Variants in CENPC observed in about 807,000 individuals in gnomAD.
CENPC encodes the protein centromere protein C, also known as CENP-C 1.
In CENPC, 63 loss-of-function variants were observed where a neutral mutation model predicts 112.1. The observed-to-expected ratio is 0.56, with a 90% CI of 0.46 to 0.69. The LOEUF is 0.69. Among genes scored for constraint, CENPC ranks in the 30% least tolerant of loss-of-function variants. CENPC has a pLI of 0.00. For synonymous variants in CENPC, 333 were observed against 367.6 expected (o/e 0.91, Z 1.08); for missense variants, 1,000 against 1,103.8 (o/e 0.91, Z 1.33).
chr4:67,481,003 C>T, intron 17 of CENPC, among the ~76,000 whole-genome samples: 1 of 152,176 alleles, frequency 6.6e-6, no homozygotes, highest in Admixed American at 6.5e-5. Flanking sequence ...GGAAGTCAAA[C>T]TGTTGCTGTT....
At chr4:67,490,865 T>TAG (rs1435906296) in intron 16 of CENPC, among the ~76,000 whole-genome samples, 3 of 23,686 alleles carry the variant, frequency 1.3e-4, no homozygotes, top group South Asian at 2.0e-3. Context: ...TATATATATA[T>TAG]ATATATATAT....
At chr4:67,491,466 T>TAGAGAGAGAGAGAGAG (rs1560423175) in intron 16 of CENPC, among the ~76,000 whole-genome samples, 2 of 61,330 alleles carry the variant, frequency 3.3e-5, no homozygotes, top group African/African-American at 5.7e-5. Flanking sequence ...TATATATATA[T>TAGAGAGAGAGAGAGAG]ATATATATAT....
At chr4:67,515,914 C>CGAAA in intron 7 of CENPC, among the ~76,000 whole-genome samples, 1 of 151,992 alleles carries the variant, frequency 6.6e-6, no homozygotes, top group East Asian at 1.9e-4. Context: ...AACTCTAGAC[C>CGAAA]TTTCTCCATA....
chr4:67,535,134 G>T (rs1726678695), intron 4 of CENPC, among the ~76,000 whole-genome samples: 1 of 151,930 alleles, frequency 6.6e-6, no homozygotes, highest in African/African-American at 2.4e-5. Flanking sequence ...TAAAAGGGAG[G>T]CTTGATATGA....
intron 16 of CENPC, 90 bp from the exon 17 acceptor site, chr4:67,490,211 T>C: frequency 1.1e-6 from 1 of 879,732 alleles, no homozygotes. Flanking sequence ...AAGAGTCATT[T>C]CTGGATATAA....
At chr4:67,476,445 G>A (rs1254705042) in intron 17 of CENPC, among the ~76,000 whole-genome samples, 2 of 152,144 alleles carry the variant, frequency 1.3e-5, no homozygotes, top group African/African-American at 2.4e-5. Context: ...GAGCTGAAAC[G>A]AATTGAGAGA....
At position 67,545,397 on chromosome 4, in the gene CENPC, G is replaced by T; in HGVS notation, c.-42C>A. ...GCCAGCGCAACTGTCTGAGGTGGAA[G>T]CCCACACGGACCACAGCTCCAGGAA... On this transcript the variant is annotated 5_prime_UTR_variant, in exon 1 of 19. Transcript: ENST00000273853. 6.7e-7 allele frequency: 1 copy of T among 1,490,802 alleles called. No homozygotes were observed. Among genetic ancestry groups the T allele is most frequent in the Admixed American group, 2.2e-5 (1 of 44,954 alleles). The allele number at this position is 1,490,802 out of a possible 1,614,324, so 92.3% of individuals were successfully genotyped here.
chr4:67,492,031 AG>A, intron 16 of CENPC, 148 bp downstream of exon 16: 1 of 543,710 alleles, frequency 1.8e-6, no homozygotes, highest in East Asian at 3.0e-5. Context: ...GTCTTCACAT[AG>A]GTTGCTCGTT....
Position 67,493,969 on chromosome 4 carries a change from T to C in CENPC, c.2205A>G (p.Pro735=), listed in dbSNP as rs1725358424. The part of the protein sequence containing the change: ...HHKLVLPSNT[P]NVRRTKRTRL... ...GTGTTCTCTTGGTCCTGCGAACATTTGGTGTGTTGGAGGGCAATACTATAA... is the reference window on the plus strand; with the variant it reads ...GTGTTCTCTTGGTCCTGCGAACATTCGGTGTGTTGGAGGGCAATACTATAA... Residue 735 remains proline (P), a synonymous_variant, in exon 14 of 19, where the codon CCA becomes CCG. Transcript: ENST00000273853. 6.2e-7 allele frequency: 1 copy of C among 1,611,152 alleles called. No homozygotes were observed. Among genetic ancestry groups the C allele is most frequent in the African/African-American group, 1.3e-5 (1 of 74,996 alleles).
At chr4:67,528,580 T>C (rs201622267) in intron 5 of CENPC, among the ~76,000 whole-genome samples, 2 of 152,222 alleles carry the variant, frequency 1.3e-5, no homozygotes, top group East Asian at 1.9e-4. Flanking sequence ...TTGTCCTTTT[T>C]TGTCTGGTTT....
At chr4:67,497,470 T>C (rs1013124472) in intron 12 of CENPC, among the ~76,000 whole-genome samples, 8 of 152,184 alleles carry the variant, frequency 5.3e-5, no homozygotes, top group Non-Finnish European at 8.8e-5. Flanking sequence ...AAACAGATAC[T>C]GCAATAAAGA....
At chr4:67,519,173 T>G in intron 6 of CENPC, 44 bp downstream of exon 6, 1 of 1,413,242 alleles carries the variant, frequency 7.1e-7, no homozygotes, top group Non-Finnish European at 9.5e-7. Flanking sequence ...ATACAAAAAG[T>G]AAAATTTTTA....
intron 12 of CENPC, among the ~76,000 whole-genome samples, chr4:67,499,865 G>T (rs1168677202): frequency 1.3e-5 from 2 of 152,026 alleles, no homozygotes; most frequent in Non-Finnish European, 2.9e-5. Context: ...TCTTTTACTT[G>T]AACACTTAGA....
At position 67,514,288 on chromosome 4, in the gene CENPC, T is replaced by C. The variant is rs774583914; in HGVS notation, c.1230A>G (p.Pro410=). 1 of 1,610,352 alleles carries C rather than the reference T, an allele frequency of 6.2e-7. No homozygotes were observed. Among genetic ancestry groups the C allele is most frequent in the Non-Finnish European group, 8.5e-7 (1 of 1,177,708 alleles). The change falls in exon 8 of 19, where the codon CCA becomes CCG. Residue 410 remains proline, a synonymous_variant. Coordinates refer to ENST00000273853, the MANE Select transcript of CENPC (RefSeq NM_001812.4). ...GTTTTATAGTCCTTTTGCTTCTAGA[T>C]GGTTTTTCTGCATTCTTGGAATACA... The part of the protein sequence containing the change: ...YEMYSKNAEK[P]SRSKRTIKQK...
intron 17 of CENPC, among the ~76,000 whole-genome samples, chr4:67,488,040 A>G (rs72640754): frequency 0.19 from 28,985 of 151,692 alleles, 3,541 homozygotes; most frequent in Non-Finnish European, 0.27. Flanking sequence ...GGTAATATAT[A>G]GAAGAAATAA....
intron 10 of CENPC, among the ~76,000 whole-genome samples, chr4:67,507,335 A>G (rs1725763686): frequency 6.6e-6 from 1 of 152,192 alleles, no homozygotes; most frequent in African/African-American, 2.4e-5. Context: ...AGAGGGACTG[A>G]GCTCATCTCT....
intron 18 of CENPC, among the ~76,000 whole-genome samples, chr4:67,473,550 CTT>C (rs1473959320): frequency 2.0e-5 from 3 of 151,918 alleles, no homozygotes; most frequent in East Asian, 1.9e-4. Context: ...ATAGTAGACA[CTT>C]TGTTTTGTTT....
chr4:67,539,597 T>C (rs1183826148), intron 4 of CENPC, among the ~76,000 whole-genome samples: 1 of 152,198 alleles, frequency 6.6e-6, no homozygotes, highest in Non-Finnish European at 1.5e-5. Flanking sequence ...AGTATTATTT[T>C]AGGAGAAGTG....
Position 67,530,839 on chromosome 4 carries a change from G to A in CENPC, c.307C>T (p.Pro103Ser), listed in dbSNP as rs1037650033. The change falls in exon 5 of 19, where the codon CCA (proline) becomes TCA (serine). Residue 103 changes from proline (P) to serine (S), a missense_variant. Transcript: ENST00000273853. ...CCTGATCTGTTTGTGGCTTCACTTGGTTCTACAACAAACTGTAGAGAGGCT... is the reference window on the plus strand; with the variant it reads ...CCTGATCTGTTTGTGGCTTCACTTGATTCTACAACAAACTGTAGAGAGGCT... ...KEASLQFVVE[P>S]SEATNRSVQA... The A allele has an allele frequency of 1.3e-6, 2 of 1,599,908 alleles. No individual in the cohort carries two copies. The highest frequency in any genetic ancestry group is 1.7e-6 in the Non-Finnish European group (2 of 1,171,772).
Sources: gnomAD v4.1 joint callset for allele counts (sites outside exome capture counted in the v4.1 genomes callset) on GRCh38, gnomAD v4.1.1 for gene constraint, MANE v1.5 for transcripts, NCBI Gene and HGNC (gene_info 2026-07-23, HGNC 2026-07-21) for gene names.